Variants in METAP1D observed in about 807,000 individuals in gnomAD.
METAP1D encodes methionyl aminopeptidase type 1D, mitochondrial.
A neutral mutation model predicts 40.5 loss-of-function variants in METAP1D; 31 were observed. The ratio of observed to expected loss-of-function variants is 0.77; its 90% CI spans 0.58 to 1.03. The LOEUF is 1.03. Among genes scored for constraint, METAP1D ranks in the 50% least tolerant of loss-of-function variants. METAP1D has a pLI of 0.00. For missense variants in METAP1D, 411 were observed against 420.7 expected (o/e 0.98, Z 0.20); for synonymous variants, 151 against 146.4 (o/e 1.03, Z -0.22).
At chr2:172,009,721 C>T (rs1475543476) in intron 1 of METAP1D, among the ~76,000 whole-genome samples, 1 of 152,090 alleles carries the variant, frequency 6.6e-6, no homozygotes, top group South Asian at 2.1e-4. Flanking sequence ...ATGGTGTCTC[C>T]ATTTTAATCT....
rs143173154 is a variant in METAP1D at position 172,080,177 on chromosome 2, A to G, written c.900A>G (p.Ala300=). 3.1e-6 allele frequency: 5 copies of G among 1,614,118 alleles called. No homozygotes were observed. The highest frequency in any genetic ancestry group is 1.6e-4 in the Middle Eastern group (1 of 6,084). Residue 300 remains alanine, a synonymous_variant, in exon 9 of 10, where the codon GCA becomes GCG. Coordinates refer to ENST00000315796, the MANE Select transcript of METAP1D (RefSeq NM_199227.3). The part of the protein sequence containing the change: ...GSPEFKVLED[A]WTVVSLDNQR... Reference sequence around the variant, plus strand: ...CTGAATTTAAAGTCCTGGAGGATGCATGGACTGTGGTCTCCCTAGACAATC... The same window carrying G: ...CTGAATTTAAAGTCCTGGAGGATGCGTGGACTGTGGTCTCCCTAGACAATC...
At chr2:172,022,862 A>C (rs922663912) in intron 1 of METAP1D, among the ~76,000 whole-genome samples, 5 of 152,128 alleles carry the variant, frequency 3.3e-5, no homozygotes, top group Admixed American at 3.3e-4. Flanking sequence ...CTATTCCTAT[A>C]GGTTTGTCTT....
intron 1 of METAP1D, among the ~76,000 whole-genome samples, chr2:172,059,002 T>G (rs185385766): frequency 1.7e-3 from 263 of 152,316 alleles, no homozygotes; most frequent in Non-Finnish European, 2.7e-3. Context: ...CAGGATTACC[T>G]GAGGGCTGGT....
chr2:172,036,114 AAGACCATCCTGG>A (rs1689371850), intron 1 of METAP1D, among the ~76,000 whole-genome samples: 3 of 151,298 alleles, frequency 2.0e-5, no homozygotes, highest in Admixed American at 2.0e-4. Context: ...TCAGGAGATC[AAGACCATCCTGG>A]CTAACACGGT....
At position 172,024,758 on chromosome 2, in the gene METAP1D, G is replaced by GTGTGTGTGTGTA. The variant is rs1553491397; in HGVS notation, c.40+24760_40+24761insATGTGTGTGTGT. ...TTAAAGACATATAGATTGTGTGTGT[G>GTGTGTGTGTGTA]TGTGTGTGTGTGTGTGTGTGTGTGT... On this transcript the variant is annotated intron_variant, in intron 1 of 9. Transcript: ENST00000315796. 3.3e-3 allele frequency among the ~76,000 whole-genome samples: 448 copies of GTGTGTGTGTGTA among 135,412 alleles called. 4 individuals carry two copies. The highest frequency in any genetic ancestry group is 5.4e-3 in the Non-Finnish European group (339 of 63,116). 88.8% of individuals were successfully genotyped at this position (135,412 alleles called of 152,430 possible).
At chr2:172,067,934 A>G (rs925566310) in intron 5 of METAP1D, among the ~76,000 whole-genome samples, 5 of 152,334 alleles carry the variant, frequency 3.3e-5, no homozygotes, top group East Asian at 1.9e-4. Flanking sequence ...ATCAGATCCT[A>G]TGTTTCTATC....
chr2:172,020,228 A>G (rs1023976638), intron 1 of METAP1D, among the ~76,000 whole-genome samples: 1 of 151,702 alleles, frequency 6.6e-6, no homozygotes, highest in African/African-American at 2.4e-5. Flanking sequence ...CTCATGATCC[A>G]CCCGCCTCAG....
rs1279122055 is a variant in METAP1D, at chr2:172,065,678, T to C, written c.423T>C (p.Pro141=). ...EIISHNAYPS[P]LGYGGFPKSV... is the part of the protein sequence containing the mutation. ...TCAGTCATAATGCCTATCCCTCACC[T>C]CTAGGCTATGGAGGTTTTCCAAAAT... Residue 141 remains proline, a synonymous_variant, in exon 4 of 10, where the codon CCT becomes CCC. Coordinates refer to ENST00000315796, the MANE Select transcript of METAP1D (RefSeq NM_199227.3). 1.9e-6 allele frequency: 3 copies of C among 1,613,858 alleles called. No homozygotes were observed. The South Asian group carries it at 3.3e-5, about 18-fold the overall frequency.
intron 6 of METAP1D, among the ~76,000 whole-genome samples, chr2:172,072,168 A>G (rs536119369): frequency 8.1e-4 from 124 of 152,318 alleles, no homozygotes; most frequent in Non-Finnish European, 1.1e-3. Context: ...CCCTACTGGG[A>G]AAAGAAATTT....
intron 1 of METAP1D, among the ~76,000 whole-genome samples, chr2:172,033,575 C>T (rs373579408): frequency 8.6e-5 from 13 of 151,944 alleles, no homozygotes; most frequent in African/African-American, 2.2e-4. Flanking sequence ...AGGCTGGTTT[C>T]GAATTCCTGA....
In METAP1D at chr2:172,080,215, T is replaced by C. The variant is rs1225808487; in HGVS notation, c.929+9T>C. The C allele has an allele frequency of 6.2e-7, 1 of 1,614,208 alleles. No homozygotes were observed. Among genetic ancestry groups the C allele is most frequent in the South Asian group, 1.1e-5 (1 of 91,092 alleles). On this transcript the variant is annotated intron_variant, in intron 9 of 9. Coordinates refer to ENST00000315796, the MANE Select transcript of METAP1D (RefSeq NM_199227.3). ...TCCCTAGACAATCAAAGGTGTTTGCTTTCTGCTCTGTTGCTTTTAAATTGT... is the reference window on the plus strand; with the variant it reads ...TCCCTAGACAATCAAAGGTGTTTGCCTTCTGCTCTGTTGCTTTTAAATTGT...
intron 1 of METAP1D, among the ~76,000 whole-genome samples, chr2:172,028,880 T>G (rs1689179538): frequency 6.6e-6 from 1 of 152,322 alleles, no homozygotes; most frequent in East Asian, 1.9e-4. Flanking sequence ...CTTGATTTTC[T>G]CATAAACTTG....
rs371006079 is a variant in METAP1D at position 172,077,918 on chromosome 2, G to C, written c.802+24G>C. The stretch of plus-strand genomic sequence containing the variant: ...TGGTAAGAAAGTTCATTTGGAGGCT[G>C]TTTCTTGATCAGAGATCAAGATGTG... On this transcript the variant is annotated intron_variant, in intron 7 of 9. Coordinates refer to ENST00000315796, the MANE Select transcript of METAP1D (RefSeq NM_199227.3). The C allele has an allele frequency of 3.7e-6, 5 of 1,333,650 alleles. No homozygotes were observed. The African/African-American group carries it at 5.8e-5, about 16-fold the overall frequency. 82.6% of individuals were successfully genotyped at this position (1,333,650 alleles called of 1,614,324 possible).
rs546588814 is a variant in METAP1D at position 172,070,780 on chromosome 2, T to C, written c.541-127T>C. ...ATATATCTATTTCTTCTTTTTTTGA[T>C]AGGCAAATGAATAATTCTGGAAGGG... On this transcript the variant is annotated intron_variant, in intron 5 of 9. Transcript: ENST00000315796. The C allele has an allele frequency of 9.8e-4, 696 of 712,344 alleles. 1 individual carries two copies. The highest frequency in any genetic ancestry group is 1.4e-3 in the Non-Finnish European group (651 of 476,398). The allele number at this position is 712,344 out of a possible 1,614,324, so 44.1% of individuals were successfully genotyped here.
intron 1 of METAP1D, among the ~76,000 whole-genome samples, chr2:172,045,860 T>C (rs1217747811): frequency 7.4e-5 from 9 of 121,568 alleles, no homozygotes; most frequent in Non-Finnish European, 1.5e-4. Context: ...TATATATATA[T>C]ATATGACGGA....
chr2:172,071,233 A>G (rs974574355), intron 6 of METAP1D, among the ~76,000 whole-genome samples, 163 bp downstream of exon 6: 1 of 152,074 alleles, frequency 6.6e-6, no homozygotes, highest in Non-Finnish European at 1.5e-5. Flanking sequence ...CTGAGTTGAA[A>G]AAAAAAAAAG....
chr2:172,028,083 A>C (rs909949903), intron 1 of METAP1D, among the ~76,000 whole-genome samples: 4 of 152,208 alleles, frequency 2.6e-5, no homozygotes, highest in African/African-American at 9.7e-5. Context: ...GCAATTAGAC[A>C]AACAAACATG....
intron 1 of METAP1D, among the ~76,000 whole-genome samples, chr2:172,034,978 A>C (rs1689334526): frequency 7.0e-6 from 1 of 143,484 alleles, no homozygotes; most frequent in African/African-American, 2.5e-5. Flanking sequence ...GATTGTTAGA[A>C]TTTTTTTCTT....
rs371420163 is a variant in METAP1D, at chr2:172,042,494, T to C, written c.41-19004T>C. ...ACATATGTGTGTGTACATGTGTACA[T>C]ATATACATATATACATATGTATGTG... On this transcript the variant is annotated intron_variant, in intron 1 of 9. Coordinates refer to ENST00000315796, the MANE Select transcript of METAP1D (RefSeq NM_199227.3). Among the ~76,000 whole-genome samples, 6 of 38,838 alleles carry C rather than the reference T, an allele frequency of 1.5e-4. 3 individuals are homozygous for C. The highest frequency in any genetic ancestry group is 2.7e-4 in the Non-Finnish European group (6 of 22,150). 25.5% of individuals were successfully genotyped at this position (38,838 alleles called of 152,430 possible).
Sources: gnomAD v4.1 joint callset for allele counts (sites outside exome capture counted in the v4.1 genomes callset) on GRCh38, gnomAD v4.1.1 for gene constraint, MANE v1.5 for transcripts, NCBI Gene and HGNC (gene_info 2026-07-23, HGNC 2026-07-21) for gene names.